SLC19A1: variants seen among roughly 807,000 people sequenced by gnomAD.
SLC19A1 encodes solute carrier family 19 member 1, also known as reduced folate transporter.
A neutral mutation model predicts 35.3 loss-of-function variants in SLC19A1; 37 were observed. That is an observed-to-expected ratio of 1.05 (90% CI 0.81 to 1.38). The LOEUF is 1.38. SLC19A1 is among the 40% of genes most tolerant of loss of function. The pLI is 0.00. For synonymous variants in SLC19A1, 460 were observed against 398.5 expected, an observed-to-expected ratio of 1.15 and a Z score of -1.84; for missense variants, 831 against 826.9, an observed-to-expected ratio of 1.00 and a Z score of -0.06.
intron 5 of SLC19A1, among the ~76,000 whole-genome samples, chr21:45,518,929 G>A (rs574930643): frequency 6.6e-6 from 1 of 152,260 alleles, no homozygotes; most frequent in Admixed American, 6.5e-5. Flanking sequence ...GAAATAACAG[G>A]AAAGAGGAAA....
chr21:45,528,099 G>A (rs1481091995), intron 4 of SLC19A1, among the ~76,000 whole-genome samples: 2 of 151,914 alleles, frequency 1.3e-5, no homozygotes, highest in Admixed American at 1.3e-4. Context: ...GAGGCTCGGG[G>A]GCAGGCAGGC....
At chr21:45,508,707 T>C (rs2037398639), downstream of SLC19A1, among the ~76,000 whole-genome samples, 1 of 152,174 alleles carries the variant, frequency 6.6e-6, no homozygotes, top group Non-Finnish European at 1.5e-5. Context: ...CAGTCTGCTC[T>C]CACTCATTTG....
At chr21:45,506,278 C>T (rs895929508) in intron 3 of SLC19A1, 9 of 399,248 alleles carry the variant, frequency 2.3e-5, no homozygotes, top group African/African-American at 1.6e-4. Flanking sequence ...TAAGACAAGG[C>T]GCCTGACGGG....
upstream of SLC19A1, among the ~76,000 whole-genome samples, chr21:45,546,800 G>T (rs1007152571): frequency 1.3e-5 from 2 of 152,346 alleles, no homozygotes; most frequent in Admixed American, 1.3e-4. Flanking sequence ...CAGGTGGAGT[G>T]ATGTCCGGCT....
intron 1 of SLC19A1, among the ~76,000 whole-genome samples, chr21:45,559,494 A>G (rs1270121574): frequency 1.3e-5 from 2 of 152,158 alleles, no homozygotes; most frequent in African/African-American, 4.8e-5. Flanking sequence ...CCAACTTGCA[A>G]AGATTTGCTA....
Position 45,530,264 on chromosome 21 carries a change from ATG to A in SLC19A1, c.1151+504_1151+505del, listed in dbSNP as rs942654551. Among the ~76,000 whole-genome samples the A allele has an allele frequency of 6.0e-5, 9 of 149,030 alleles. No individual in the cohort carries two copies. Among genetic ancestry groups the A allele is most frequent in the East Asian group, 2.0e-4 (1 of 4,932 alleles). ...TGGTGTGTTCATGTGCGATATATCC[ATG>A]TGTGAGTGTGGTGTGTTTGTCCATG... On this transcript the variant is annotated intron_variant, in intron 4 of 5. Transcript: ENST00000311124. This position sits in a 1 kb window ranked among gnomAD's most constrained non-coding sequence, Gnocchi z 5.3.
downstream of SLC19A1, chr21:45,512,435 G>A (rs766611897): frequency 2.5e-5 from 40 of 1,591,882 alleles, no homozygotes; most frequent in South Asian, 1.2e-4. Flanking sequence ...GAGGACCGGC[G>A]GCTCGGAGGA....
chr21:45,552,685 G>A (rs1042218607), intron 1 of SLC19A1, among the ~76,000 whole-genome samples: 6 of 148,812 alleles, frequency 4.0e-5, no homozygotes, highest in East Asian at 2.0e-4. Flanking sequence ...GAAGTGGAGC[G>A]GGTCTTAGTG....
chr21:45,549,960 T>A (rs932311828), intron 1 of SLC19A1, among the ~76,000 whole-genome samples: 1 of 152,024 alleles, frequency 6.6e-6, no homozygotes. Context: ...CTGCCCCTTC[T>A]TAGCCCCAGG....
chr21:45,541,783 C>T (rs2078312667), intron 1 of SLC19A1: 1 of 152,234 alleles, frequency 6.6e-6, no homozygotes. Flanking sequence ...CAGGGTTCAC[C>T]CACCGGCTGG....
In SLC19A1 at chr21:45,515,781, G is replaced by A. The variant is rs777041890; in HGVS notation, c.1653C>T (p.Ala551=). Residue 551 remains alanine (A), a synonymous_variant, in exon 6 of 6, where the codon GCC becomes GCT. Coordinates refer to ENST00000311124, the MANE Select transcript of SLC19A1 (RefSeq NM_194255.4). ...TTPSPCTLCS[A]QASGPEAADE... is the part of the protein sequence containing the mutation. ...CTGCAGCCTCAGGGCCTGAGGCTTG[G>A]GCGGAGCACAGAGTGCAGGGGGAAG... 2 of 1,613,654 alleles carry A rather than the reference G, an allele frequency of 1.2e-6. No homozygotes were observed. The highest frequency in any genetic ancestry group is 1.3e-5 in the African/African-American group (1 of 75,048).
chr21:45,538,946 C>T (rs969800386), intron 1 of SLC19A1, among the ~76,000 whole-genome samples: 2 of 152,146 alleles, frequency 1.3e-5, no homozygotes, highest in Non-Finnish European at 2.9e-5. Flanking sequence ...CACTCGAGGG[C>T]GTGTCTCTTT....
chr21:45,548,709 A>G (rs760442278), upstream of SLC19A1, among the ~76,000 whole-genome samples: 5 of 152,100 alleles, frequency 3.3e-5, no homozygotes, highest in East Asian at 9.6e-4. Flanking sequence ...TCACCTCTGC[A>G]CTCCAGCCTG....
At chr21:45,521,085 T>C (rs555417826) in intron 5 of SLC19A1, among the ~76,000 whole-genome samples, 3 of 145,630 alleles carry the variant, frequency 2.1e-5, no homozygotes, top group African/African-American at 5.1e-5. Flanking sequence ...AAAAAGACCA[T>C]ATGAAGACAA....
downstream of SLC19A1, chr21:45,509,585 G>A (rs565489112): frequency 1.0e-4 from 154 of 1,510,772 alleles, 2 homozygotes; most frequent in Admixed American, 2.3e-3. Context: ...CACAGCCACC[G>A]CGACTTCCAG....
Position 45,540,998 on chromosome 21 carries a change from G to GT in SLC19A1, c.-50+1369dup, listed in dbSNP as rs1220725032. The stretch of plus-strand genomic sequence containing the variant: ...AAGGCTAACCAAGAATGTTCGTTAT[G>GT]TTTTTTAGAACGCCTGCTAGTTTAA... On this transcript the variant is annotated intron_variant, in intron 1 of 5. Coordinates refer to ENST00000311124, the MANE Select transcript of SLC19A1 (RefSeq NM_194255.4). This position sits in a 1 kb window ranked among gnomAD's most constrained non-coding sequence, Gnocchi z 5.5. Among the ~76,000 whole-genome samples the GT allele has an allele frequency of 1.3e-5, 2 of 150,676 alleles. No homozygotes were observed. Among genetic ancestry groups the GT allele is most frequent in the South Asian group, 4.3e-4 (2 of 4,692 alleles).
chr21:45,561,666 C>G (rs1275474912), intron 1 of SLC19A1, among the ~76,000 whole-genome samples: 1 of 152,012 alleles, frequency 6.6e-6, no homozygotes, highest in Non-Finnish European at 1.5e-5. Flanking sequence ...GAGTTTGAGA[C>G]AAGAGAATTG....
chr21:45,507,733 G>A, downstream of SLC19A1: 2 of 819,770 alleles, frequency 2.4e-6, no homozygotes, highest in Non-Finnish European at 4.1e-6. Context: ...CCCTGCTGCA[G>A]AAACTGGTGC....
At position 45,534,499 on chromosome 21, in the gene SLC19A1, T is replaced by C. The variant is rs1489280896; in HGVS notation, c.190-2351A>G. 6.8e-7 allele frequency: 1 copy of C among 1,479,672 alleles called. No individual in the cohort carries two copies. Among genetic ancestry groups the C allele is most frequent in the East Asian group, 2.5e-5 (1 of 40,616 alleles). The allele number at this position is 1,479,672 out of a possible 1,614,324, so 91.7% of individuals were successfully genotyped here. On this transcript the variant is annotated intron_variant, in intron 2 of 5. Coordinates refer to ENST00000311124, the MANE Select transcript of SLC19A1 (RefSeq NM_194255.4). This position sits in a 1 kb window ranked among gnomAD's most constrained non-coding sequence, Gnocchi z 4.2. ...GCTCTCCCCAGACCCCACGGCTCTCTGGAAAAGGGCGGCCAGGGGTCCTAG... is the reference window on the plus strand; with the variant it reads ...GCTCTCCCCAGACCCCACGGCTCTCCGGAAAAGGGCGGCCAGGGGTCCTAG...
Sources: allele counts gnomAD v4.1 joint callset (sites outside exome capture counted in the v4.1 genomes callset), GRCh38; gene constraint gnomAD v4.1.1; non-coding constraint Gnocchi (gnomAD v3.1); transcripts MANE v1.5; gene names NCBI Gene and HGNC (gene_info 2026-07-23, HGNC 2026-07-21).